Variants in INTS9 observed in about 807,000 individuals in gnomAD.
INTS9 encodes protein related to CPSF subunits of 74 kDa.
INTS9 carries 55 observed loss-of-function variants against 79.7 expected under a neutral mutation model. That is an observed-to-expected ratio of 0.69 (90% CI 0.56 to 0.86). INTS9 has a LOEUF of 0.86. Among genes scored for constraint, INTS9 ranks in the 40% least tolerant of loss-of-function variants. The probability of loss-of-function intolerance (pLI) is 0.00; values close to 1 mark genes in which losing one functional copy is unlikely to be tolerated. For synonymous variants in INTS9, 319 were observed against 325.2 expected, an observed-to-expected ratio of 0.98 and a Z score of 0.20; for missense variants, 721 against 831.5, an observed-to-expected ratio of 0.87 and a Z score of 1.64.
intron 8 of INTS9, chr8:28,810,027 C>T (rs1805020596): frequency 2.0e-5 from 3 of 152,186 alleles, no homozygotes. Flanking sequence ...ATCATGCATA[C>T]CATAAATATA....
chr8:28,792,740 C>G (rs1370659304), intron 10 of INTS9, among the ~76,000 whole-genome samples: 1 of 152,086 alleles, frequency 6.6e-6, no homozygotes, highest in Non-Finnish European at 1.5e-5. Context: ...TGGTGAAACC[C>G]TGTCTCTACT....
intron 1 of INTS9, among the ~76,000 whole-genome samples, chr8:28,865,895 G>T (rs1413573547): frequency 6.6e-6 from 1 of 151,844 alleles, no homozygotes; most frequent in Non-Finnish European, 1.5e-5. Context: ...CCTATTAAAT[G>T]CATGTGGTAA....
chr8:28,775,902 G>GGACA lies in INTS9; in HGVS notation c.1419_1420insTGTC (p.Gln474CysfsTer31). The GGACA allele has an allele frequency of 6.3e-7, 1 of 1,590,602 alleles. No homozygotes were observed. The highest frequency in any genetic ancestry group is 8.6e-7 in the Non-Finnish European group (1 of 1,168,536). ...TGGGCTGGGGGCGGCTGAGTGTACT[G>GGACA]CTCAGGACACACCACGTGCAGGGGC... On this transcript the variant is annotated frameshift_variant, in exon 14 of 17. Transcript: ENST00000521022. LOFTEE classifies it high-confidence loss of function.
At chr8:28,783,828 A>G (rs1262434780) in intron 11 of INTS9, 1 of 152,246 alleles carries the variant, frequency 6.6e-6, no homozygotes, top group African/African-American at 2.4e-5. Context: ...TGTCTCAGTT[A>G]AATGGGTGAG....
intron 8 of INTS9, 83 bp from the exon 9 acceptor site, chr8:28,796,738 A>T: frequency 1.1e-6 from 1 of 869,746 alleles, no homozygotes. Context: ...GAACACAGAC[A>T]TTGCTCTTTC....
At chr8:28,771,250 A>G in intron 14 of INTS9, 170 bp from the exon 15 acceptor site, 1 of 670,438 alleles carries the variant, frequency 1.5e-6, no homozygotes, top group Non-Finnish European at 2.7e-6. Context: ...TGACACACCA[A>G]GTGCAGCCTT....
chr8:28,771,211 T>G, intron 14 of INTS9, 131 bp from the exon 15 acceptor site: 1 of 727,258 alleles, frequency 1.4e-6, no homozygotes, highest in Non-Finnish European at 2.4e-6. Flanking sequence ...TTTTTTTTTT[T>G]GAGATGGAGT....
chr8:28,769,000 A>C (rs1369260358), intron 16 of INTS9, among the ~76,000 whole-genome samples: 1 of 152,154 alleles, frequency 6.6e-6, no homozygotes, highest in Non-Finnish European at 1.5e-5. Context: ...GAAGGTCCTC[A>C]TCTTAAGTTT....
rs1810501921 is a variant in INTS9 at position 28,889,694 on chromosome 8, G to T, written c.9+180C>A. Reference sequence around the variant, plus strand: ...AAGACCTCCTGGGAGGGATGGGGTGGGGGAGAGGGAATTCAAACCTTCTCA... The same window carrying T: ...AAGACCTCCTGGGAGGGATGGGGTGTGGGAGAGGGAATTCAAACCTTCTCA... On this transcript the variant is annotated intron_variant, in intron 1 of 16. Transcript: ENST00000521022. 6 of 614,814 alleles carry T rather than the reference G, an allele frequency of 9.8e-6. No individual in the cohort carries two copies. In the East Asian group the frequency reaches 1.8e-4, roughly 18 times the overall value. The allele number at this position is 614,814 out of a possible 1,614,324, so 38.1% of individuals were successfully genotyped here.
intron 1 of INTS9, among the ~76,000 whole-genome samples, chr8:28,883,426 G>A (rs1347323497): frequency 6.6e-6 from 1 of 152,204 alleles, no homozygotes; most frequent in East Asian, 1.9e-4. Flanking sequence ...ATAGATCAAA[G>A]AAGAAAGTTA....
At chr8:28,816,723 C>T (rs541666011) in intron 6 of INTS9, among the ~76,000 whole-genome samples, 65 of 143,610 alleles carry the variant, frequency 4.5e-4, no homozygotes, top group African/African-American at 1.3e-3. Context: ...CCTGAGGAAT[C>T]GCCACACTGA....
intron 16 of INTS9, among the ~76,000 whole-genome samples, chr8:28,768,692 C>T (rs1802350360): frequency 6.6e-6 from 1 of 152,224 alleles, no homozygotes; most frequent in African/African-American, 2.4e-5. Context: ...CCAGGTGACA[C>T]CAAGATACCC....
rs60099329 is a variant in INTS9, at chr8:28,823,482, T to A, written c.489-9870A>T. ...CACACTTTCCCAATGTCCTGCTCTT[T>A]GTCCAACTCGGTGTCTGTGTTCAAC... is the stretch of plus-strand genomic sequence containing the variant. On this transcript the variant is annotated intron_variant, in intron 6 of 16. Coordinates refer to ENST00000521022, the MANE Select transcript of INTS9 (RefSeq NM_018250.4). 8.8e-3 allele frequency among the ~76,000 whole-genome samples: 1,346 copies of A among 152,318 alleles called. 20 individuals carry two copies. The highest frequency in any genetic ancestry group is 0.029 in the African/African-American group (1,223 of 41,558).
chr8:28,859,644 G>A (rs1318617626), intron 1 of INTS9, 81 bp from the exon 2 acceptor site: 4 of 1,452,096 alleles, frequency 2.8e-6, no homozygotes, highest in East Asian at 2.3e-5. Flanking sequence ...TAACTCTGAC[G>A]ATCTTCTCTC....
At chr8:28,844,376 A>G (rs1197252530) in intron 4 of INTS9, among the ~76,000 whole-genome samples, 1 of 152,006 alleles carries the variant, frequency 6.6e-6, no homozygotes, top group East Asian at 1.9e-4. Context: ...CCCCATCTCT[A>G]CAAAAAATAC....
At chr8:28,777,761 C>G (rs1401991624) in intron 13 of INTS9, 68 bp downstream of exon 13, 12 of 1,503,872 alleles carry the variant, frequency 8.0e-6, no homozygotes, top group Non-Finnish European at 1.1e-5. Context: ...CTCCCCTCAC[C>G]CCACACAAGC....
At chr8:28,784,533 A>G (rs950555504) in intron 11 of INTS9, among the ~76,000 whole-genome samples, 1 of 152,246 alleles carries the variant, frequency 6.6e-6, no homozygotes, top group African/African-American at 2.4e-5. Flanking sequence ...TGGTTCATAA[A>G]AGACCTATCC....
At chr8:28,791,638 T>G (rs1803925665) in intron 10 of INTS9, among the ~76,000 whole-genome samples, 1 of 152,218 alleles carries the variant, frequency 6.6e-6, no homozygotes, top group South Asian at 2.1e-4. Flanking sequence ...TGTGGGTATG[T>G]GTGTATATAT....
rs117547796 is a variant in INTS9, at chr8:28,822,574, A to G, written c.489-8962T>C. ...CTCCTGTTCTAAATTGAAAGGGCCC[A>G]CTAAGTACTCAGCACATGAATGAAA... On this transcript the variant is annotated intron_variant, in intron 6 of 16. Transcript: ENST00000521022. Among the ~76,000 whole-genome samples the G allele has an allele frequency of 1.5e-4, 23 of 152,202 alleles. No homozygotes were observed. The East Asian group carries it at 4.3e-3, about 28-fold the overall frequency.
Sources: gnomAD v4.1 joint callset for allele counts (sites outside exome capture counted in the v4.1 genomes callset) on GRCh38, gnomAD v4.1.1 for gene constraint, MANE v1.5 for transcripts, NCBI Gene and HGNC (gene_info 2026-07-23, HGNC 2026-07-21) for gene names.